Variants in MED12L observed in about 807,000 individuals in gnomAD.
The protein encoded by MED12L is mediator complex subunit 12L.
Under a neutral mutation model 281.3 loss-of-function variants are expected in MED12L, and 60 were observed. The ratio of observed to expected loss-of-function variants is 0.21; its 90% CI spans 0.17 to 0.26. The LOEUF (loss-of-function observed/expected upper bound fraction) is 0.26. MED12L is among the 10% of genes least tolerant of loss of function. MED12L has a pLI of 1.00. For missense variants in MED12L, 2,146 were observed against 2,680.9 expected, an observed-to-expected ratio of 0.80 and a Z score of 4.41; for synonymous variants, 974 against 987.2, an observed-to-expected ratio of 0.99 and a Z score of 0.25.
chr3:151,242,778 C>G (rs932002888), intron 16 of MED12L, among the ~76,000 whole-genome samples: 1 of 152,050 alleles, frequency 6.6e-6, no homozygotes, highest in African/African-American at 2.4e-5. Flanking sequence ...ATGACTTTGA[C>G]GAGCTGAGAG....
At chr3:151,345,840 A>T (rs1442618252) in intron 16 of MED12L, among the ~76,000 whole-genome samples, 1 of 152,074 alleles carries the variant, frequency 6.6e-6, no homozygotes, top group East Asian at 1.9e-4. Flanking sequence ...TGTATGAAAA[A>T]CTGATGTAAA....
At chr3:151,232,116 C>G (rs1731802717) in intron 16 of MED12L, among the ~76,000 whole-genome samples, 1 of 152,146 alleles carries the variant, frequency 6.6e-6, no homozygotes, top group African/African-American at 2.4e-5. Context: ...ACCTTTCCTT[C>G]TTACTTTCCT....
intron 16 of MED12L, among the ~76,000 whole-genome samples, chr3:151,209,653 A>G (rs755973534): frequency 2.6e-5 from 4 of 152,280 alleles, no homozygotes; most frequent in Non-Finnish European, 4.4e-5. Flanking sequence ...TGTAATTTGT[A>G]TAATATTATC....
chr3:151,402,946 G>A (rs1715863177), intron 39 of MED12L, among the ~76,000 whole-genome samples: 1 of 151,876 alleles, frequency 6.6e-6, no homozygotes, highest in Admixed American at 6.6e-5. Context: ...TAACTCTGCT[G>A]TCTCCCTTCT....
At position 151,086,867 on chromosome 3, in the gene MED12L, C is replaced by T; in HGVS notation, c.-60C>T. ...GTCTGCAAAGTGCTGCTCCCTGGTG[C>T]TCAGAGGCGGCTGCTCCAGCTCCAA... On this transcript the variant is annotated 5_prime_UTR_variant, in exon 2 of 45. Coordinates refer to ENST00000687756, the MANE Select transcript of MED12L (RefSeq NM_001393769.1). 2 of 1,388,022 alleles carry T rather than the reference C, an allele frequency of 1.4e-6. No individual in the cohort carries two copies. Among genetic ancestry groups the T allele is most frequent in the Middle Eastern group, 1.8e-4 (1 of 5,562 alleles). 86.0% of individuals were successfully genotyped at this position (1,388,022 alleles called of 1,614,324 possible). A position where few individuals can be genotyped will look rare whatever the true frequency, so the allele number is the denominator to read the frequency against.
At chr3:151,303,557 G>GT (rs1746235051) in intron 16 of MED12L, among the ~76,000 whole-genome samples, 1 of 152,194 alleles carries the variant, frequency 6.6e-6, no homozygotes, top group Non-Finnish European at 1.5e-5. Context: ...GAGGTCAGGA[G>GT]TTTGAGACAA....
intron 16 of MED12L, among the ~76,000 whole-genome samples, chr3:151,254,000 T>G (rs1233330066): frequency 2.9e-5 from 1 of 34,272 alleles, no homozygotes; most frequent in East Asian, 5.1e-4. Context: ...TTTTTTCTTG[T>G]TTTTTTTTTT....
chr3:151,407,363 A>G (rs543795228), intron 39 of MED12L, among the ~76,000 whole-genome samples: 1 of 152,308 alleles, frequency 6.6e-6, no homozygotes, highest in African/African-American at 2.4e-5. Context: ...GTTATAAACT[A>G]CCTATAGATC....
At chr3:151,362,826 A>G (rs1481631962) in intron 21 of MED12L, among the ~76,000 whole-genome samples, 1 of 152,152 alleles carries the variant, frequency 6.6e-6, no homozygotes, top group African/African-American at 2.4e-5. Flanking sequence ...ATCCTTTGTG[A>G]AATATTTGAG....
chr3:151,246,158 G>C (rs1182411797), intron 16 of MED12L, among the ~76,000 whole-genome samples: 2 of 152,160 alleles, frequency 1.3e-5, no homozygotes, highest in African/African-American at 2.4e-5. Context: ...ATGCTCATGG[G>C]TAGGAAGAAT....
chr3:151,350,221 T>G lies in MED12L; in HGVS notation c.2398+15T>G. 6.2e-7 allele frequency: 1 copy of G among 1,612,084 alleles called. No homozygotes were observed. Among genetic ancestry groups the G allele is most frequent in the Non-Finnish European group, 8.5e-7 (1 of 1,178,888 alleles). On this transcript the variant is annotated intron_variant, in intron 17 of 44. Coordinates refer to ENST00000687756, the MANE Select transcript of MED12L (RefSeq NM_001393769.1). ...AGAGACAGGGGGTAAAGAACCTTAA[T>G]GCATTTGCTCCCATTGTGTTGCCTT...
intron 39 of MED12L, among the ~76,000 whole-genome samples, chr3:151,408,081 G>A (rs879534168): frequency 2.0e-5 from 3 of 152,162 alleles, no homozygotes; most frequent in Non-Finnish European, 4.4e-5. Context: ...AGAGCCCTAG[G>A]CTTTCAAGTC....
At chr3:151,282,034 C>G (rs1328223596) in intron 16 of MED12L, among the ~76,000 whole-genome samples, 1 of 152,094 alleles carries the variant, frequency 6.6e-6, no homozygotes, top group Non-Finnish European at 1.5e-5. Flanking sequence ...TAATTGTTAC[C>G]ATATGTCTTT....
intron 3 of MED12L, among the ~76,000 whole-genome samples, chr3:151,121,361 C>T (rs1713722599): frequency 6.6e-6 from 1 of 152,110 alleles, no homozygotes; most frequent in South Asian, 2.1e-4. Flanking sequence ...TATTGTATTA[C>T]GTTAACACAC....
At chr3:151,141,187 G>GTTTTTTTTTT (rs76965310) in intron 5 of MED12L, among the ~76,000 whole-genome samples, 26 of 99,108 alleles carry the variant, frequency 2.6e-4, no homozygotes, top group African/African-American at 6.7e-4. Context: ...TGTTTTTTTT[G>GTTTTTTTTTT]TTTTTTTTTT....
At position 151,217,741 on chromosome 3, in the gene MED12L, C is replaced by G. The variant is rs143406658; in HGVS notation, c.2250+24075C>G. On this transcript the variant is annotated intron_variant, in intron 16 of 44. Transcript: ENST00000687756. ...TAAAGGAACAAGCTAAAGAGAAATTCCAAGATACTCTTGGTAGTAATTTTT... is the reference window on the plus strand; with the variant it reads ...TAAAGGAACAAGCTAAAGAGAAATTGCAAGATACTCTTGGTAGTAATTTTT... 1.8e-3 allele frequency among the ~76,000 whole-genome samples: 267 copies of G among 152,192 alleles called. 1 individual carries two copies. Among genetic ancestry groups the G allele is most frequent in the African/African-American group, 5.9e-3 (244 of 41,520 alleles).
chr3:151,236,238 C>T (rs926024004), intron 16 of MED12L, among the ~76,000 whole-genome samples: 3 of 152,266 alleles, frequency 2.0e-5, no homozygotes, highest in Admixed American at 2.0e-4. Context: ...TAAGGATTTC[C>T]TTAACTGTCA....
rs538767458 is a variant in MED12L at position 151,247,053 on chromosome 3, C to T, written c.2250+53387C>T. Among the ~76,000 whole-genome samples the T allele has an allele frequency of 6.6e-5, 10 of 152,244 alleles. No individual in the cohort carries two copies. The East Asian group carries it at 1.9e-3, about 29-fold the overall frequency. ...GGCATCAGAGAAATGCAAACCAAAA[C>T]CACAAGAAGATACCATCTCACACCA... is the stretch of plus-strand genomic sequence containing the variant. On this transcript the variant is annotated intron_variant, in intron 16 of 44. Coordinates refer to ENST00000687756, the MANE Select transcript of MED12L (RefSeq NM_001393769.1).
chr3:151,101,728 T>G (rs2148662921), intron 2 of MED12L, among the ~76,000 whole-genome samples: 1 of 152,012 alleles, frequency 6.6e-6, no homozygotes, highest in South Asian at 2.1e-4. Flanking sequence ...GGTGGTGAGC[T>G]CACGTGGTTT....
Sources: gnomAD v4.1 joint callset for allele counts (sites outside exome capture counted in the v4.1 genomes callset) on GRCh38, gnomAD v4.1.1 for gene constraint, MANE v1.5 for transcripts, NCBI Gene and HGNC (gene_info 2026-07-23, HGNC 2026-07-21) for gene names.